Variants in OR7A17 observed in about 807,000 individuals in gnomAD.
The protein encoded by OR7A17 is olfactory receptor family 7 subfamily A member 17.
For synonymous variants in OR7A17, 159 were observed against 142.1 expected (o/e 1.12, Z -0.85); for missense variants, 366 against 365.5 (o/e 1.00, Z -0.01).
intron 1 of OR7A17, among the ~76,000 whole-genome samples, chr19:14,883,354 C>T (rs776340839): frequency 3.3e-5 from 5 of 151,944 alleles, no homozygotes; most frequent in African/African-American, 9.7e-5. Flanking sequence ...GTAGGAGAAT[C>T]GCTTGAACCT....
Position 14,881,127 on chromosome 19 carries a change from T to C in OR7A17, c.229A>G (p.Thr77Ala). 1 of 1,614,080 alleles carries C rather than the reference T, an allele frequency of 6.2e-7. No homozygotes were observed. Among genetic ancestry groups the C allele is most frequent in the East Asian group, 2.2e-5 (1 of 44,868 alleles). Residue 77 changes from threonine (T) to alanine (A), a missense_variant, in exon 3 of 3, where the codon ACA (threonine) becomes GCA (alanine). By Grantham distance (58) the Thr-to-Ala change is moderately conservative. Coordinates refer to ENST00000641113, the MANE Select transcript of OR7A17 (RefSeq NM_030901.2). The part of the protein sequence containing the change: ...SFADICFIST[T>A]IPKMLINIQT... ...ATGTTAATGAGCATCTTTGGGATTG[T>C]AGTGGAGATGAAACAGATGTCTGCA...
chr19:14,885,448 T>C (rs2045131581), intron 1 of OR7A17, among the ~76,000 whole-genome samples: 1 of 152,150 alleles, frequency 6.6e-6, no homozygotes, highest in Admixed American at 6.5e-5. Context: ...ACAAAATCAA[T>C]GTGCAAAAAT....
chr19:14,883,132 C>T (rs1187666034), intron 1 of OR7A17, among the ~76,000 whole-genome samples: 3 of 152,172 alleles, frequency 2.0e-5, no homozygotes, highest in African/African-American at 7.2e-5. Flanking sequence ...ATGCAATGTC[C>T]TTCCTAGACC....
At position 14,882,806 on chromosome 19, in the gene OR7A17, C is replaced by T. The variant is rs112544484; in HGVS notation, c.-294-935G>A. On this transcript the variant is annotated intron_variant, in intron 1 of 2. Coordinates refer to ENST00000641113, the MANE Select transcript of OR7A17 (RefSeq NM_030901.2). ...TGCTTTTATGCTAAAGGTGCGTGCG[C>T]GCACGCACACACACACACATTGCCT... Among the ~76,000 whole-genome samples the T allele has an allele frequency of 4.0e-3, 611 of 152,140 alleles. 5 individuals carry two copies. The highest frequency in any genetic ancestry group is 0.022 in the South Asian group (107 of 4,824).
At chr19:14,882,026 G>T (rs2045115003) in intron 1 of OR7A17, among the ~76,000 whole-genome samples, 155 bp from the exon 2 acceptor site, 1 of 151,802 alleles carries the variant, frequency 6.6e-6, no homozygotes, top group Admixed American at 6.6e-5. Context: ...TGTAAATCTG[G>T]TCCCTGTTAG....
chr19:14,880,521 T>G lies in OR7A17; in HGVS notation c.835A>C (p.Thr279Pro), dbSNP rs1349035940. The G allele has an allele frequency of 3.1e-6, 5 of 1,614,028 alleles. No individual in the cohort carries two copies. The highest frequency in any genetic ancestry group is 4.2e-6 in the Non-Finnish European group (5 of 1,180,016). Residue 279 changes from threonine to proline, a missense_variant, in exon 3 of 3, where the codon ACT (threonine) becomes CCT (proline). By Grantham distance (38) the Thr-to-Pro change is conservative. Transcript: ENST00000641113. ...HTSATASVMY[T>P]VATPMLNPFI... ...GGGTTCAGCATGGGGGTGGCCACAGTGTACATCACTGAGGCTGTTGCACTT... is the reference window on the plus strand; with the variant it reads ...GGGTTCAGCATGGGGGTGGCCACAGGGTACATCACTGAGGCTGTTGCACTT...
At chr19:14,884,194 T>C (rs1050373402) in intron 1 of OR7A17, among the ~76,000 whole-genome samples, 1 of 152,184 alleles carries the variant, frequency 6.6e-6, no homozygotes, top group African/African-American at 2.4e-5. Context: ...ACAAAGTATT[T>C]TAACTAACGC....
chr19:14,882,880 C>T (rs2045119275), intron 1 of OR7A17, among the ~76,000 whole-genome samples: 2 of 152,216 alleles, frequency 1.3e-5, no homozygotes, highest in African/African-American at 4.8e-5. Flanking sequence ...TACTCTTGTG[C>T]TTTTCTCACC....
intron 1 of OR7A17, among the ~76,000 whole-genome samples, chr19:14,884,275 G>A (rs944253511): frequency 1.3e-5 from 2 of 152,084 alleles, no homozygotes; most frequent in South Asian, 2.1e-4. Context: ...GACCAAAAAT[G>A]TTTCCTTAAA....
Position 14,880,861 on chromosome 19 carries a change from C to T in OR7A17, c.495G>A (p.Trp165Ter), listed in dbSNP as rs752583133. ...TTTCCAAGTCTGTGCAGAAGGACAG[C>T]CACAATACCATTAAGCTTTGTGACA... ...NSLSQSLMVL[W>*]LSFCTDLEIP... The change falls in exon 3 of 3, where the codon TGG (tryptophan) becomes TGA (stop). Residue 165 changes from tryptophan (W) to a stop codon, truncating the protein, a stop_gained. Coordinates refer to ENST00000641113, the MANE Select transcript of OR7A17 (RefSeq NM_030901.2). LOFTEE classifies it low-confidence loss of function (END_TRUNC). 1 of 1,614,112 alleles carries T rather than the reference C, an allele frequency of 6.2e-7. No homozygotes were observed. The highest frequency in any genetic ancestry group is 8.5e-7 in the Non-Finnish European group (1 of 1,180,028).
At chr19:14,884,296 A>G (rs1414240254) in intron 1 of OR7A17, among the ~76,000 whole-genome samples, 1 of 152,228 alleles carries the variant, frequency 6.6e-6, no homozygotes, top group African/African-American at 2.4e-5. Flanking sequence ...TATTTCATTA[A>G]CAGTCAATGA....
At chr19:14,882,973 T>C (rs778875899) in intron 1 of OR7A17, among the ~76,000 whole-genome samples, 7 of 152,216 alleles carry the variant, frequency 4.6e-5, no homozygotes, top group African/African-American at 1.7e-4. Context: ...TCAGAAATGG[T>C]CTGATAGCAT....
Position 14,880,279 on chromosome 19 carries a change from T to C in OR7A17, c.*147A>G. ...CTTTATAAAGGAATACATTAAATTC[T>C]ATGTCAGTTGAGATCAAAGAAATTG... On this transcript the variant is annotated 3_prime_UTR_variant, in exon 3 of 3. Coordinates refer to ENST00000641113, the MANE Select transcript of OR7A17 (RefSeq NM_030901.2). 1 of 552,082 alleles carries C rather than the reference T, an allele frequency of 1.8e-6. No individual in the cohort carries two copies. The highest frequency in any genetic ancestry group is 3.1e-6 in the Non-Finnish European group (1 of 326,886). The allele number at this position is 552,082 out of a possible 1,614,324, so 34.2% of individuals were successfully genotyped here. A position where few individuals can be genotyped will look rare whatever the true frequency, so the allele number is the denominator to read the frequency against.
At chr19:14,882,780 C>T (rs530087337) in intron 1 of OR7A17, among the ~76,000 whole-genome samples, 2 of 152,280 alleles carry the variant, frequency 1.3e-5, no homozygotes, top group South Asian at 4.2e-4. Flanking sequence ...TCTCTGCAAC[C>T]TGCTTTTATG....
At position 14,879,980 on chromosome 19, in the gene OR7A17, T is replaced by C. The variant is rs1407851239; in HGVS notation, c.*446A>G. 1 of 152,842 alleles carries C rather than the reference T, an allele frequency of 6.5e-6. No individual in the cohort carries two copies. The highest frequency in any genetic ancestry group is 2.4e-5 in the African/African-American group (1 of 41,392). The allele number at this position is 152,842 out of a possible 1,614,324, so 9.5% of individuals were successfully genotyped here. A position where few individuals can be genotyped will look rare whatever the true frequency, so the allele number is the denominator to read the frequency against. On this transcript the variant is annotated 3_prime_UTR_variant, in exon 3 of 3. Coordinates refer to ENST00000641113, the MANE Select transcript of OR7A17 (RefSeq NM_030901.2). ...ACACTCGTGTGGGGTAAAGTTTACA[T>C]GACCAGGAAGAACACTTAAGGTGGT...
chr19:14,885,322 A>G (rs1469496034), intron 1 of OR7A17, among the ~76,000 whole-genome samples: 1 of 152,222 alleles, frequency 6.6e-6, no homozygotes, highest in Non-Finnish European at 1.5e-5. Flanking sequence ...AAATACAAAG[A>G]GAGGAAGTCA....
Position 14,881,205 on chromosome 19 carries a change from A to T in OR7A17, c.151T>A (p.Ser51Thr). ...GNLLIILATI[S>T]DSHLHTPMYF... Reference sequence around the variant, plus strand: ...ATGGGGGTGTGGAGGTGGGAGTCTGAGATTGTGGCCAGGATGATGAGCAGA... The same window carrying T: ...ATGGGGGTGTGGAGGTGGGAGTCTGTGATTGTGGCCAGGATGATGAGCAGA... The change falls in exon 3 of 3, where the codon TCA becomes ACA. Residue 51 changes from serine to threonine, a missense_variant. By Grantham distance (58) the Ser-to-Thr change is moderately conservative. Transcript: ENST00000641113. The T allele has an allele frequency of 6.2e-7, 1 of 1,613,948 alleles. No individual in the cohort carries two copies. Among genetic ancestry groups the T allele is most frequent in the Non-Finnish European group, 8.5e-7 (1 of 1,179,960 alleles).
Position 14,881,366 on chromosome 19 carries a change from CTATTTATTTATTTATTTATTTATT to C in OR7A17, c.-35_-12del, listed in dbSNP as rs60445901. ...ATTCTCTGGTTCCATCTTTTTTTTT[CTATTTATTTATTTATTTATTTATT>C]TATTTATTTATTTATTAACATAGAC... On this transcript the variant is annotated 5_prime_UTR_variant, in exon 3 of 3. Transcript: ENST00000641113. 51 of 1,018,252 alleles carry C rather than the reference CTATTTATTTATTTATTTATTTATT, an allele frequency of 5.0e-5. 2 individuals are homozygous for C. The African/African-American group carries it at 7.6e-4, about 15-fold the overall frequency. The allele number at this position is 1,018,252 out of a possible 1,614,324, so 63.1% of individuals were successfully genotyped here. A position where few individuals can be genotyped will look rare whatever the true frequency, so the allele number is the denominator to read the frequency against.
Position 14,879,313 on chromosome 19 carries a change from G to A in OR7A17, c.*1113C>T, listed in dbSNP as rs906392836. ...TTTCGCTCTTGTTGCCCAGACTGGA[G>A]GGCAATGCTGTGATCTCGGCTCACT... is the stretch of plus-strand genomic sequence containing the variant. On this transcript the variant is annotated 3_prime_UTR_variant, in exon 3 of 3. Transcript: ENST00000641113. 5 of 151,694 alleles carry A rather than the reference G, an allele frequency of 3.3e-5. No individual in the cohort carries two copies. The highest frequency in any genetic ancestry group is 5.9e-5 in the Non-Finnish European group (4 of 68,054). 9.4% of individuals were successfully genotyped at this position (151,694 alleles called of 1,614,324 possible).
Sources: allele counts gnomAD v4.1 joint callset (sites outside exome capture counted in the v4.1 genomes callset), GRCh38; gene constraint gnomAD v4.1.1; transcripts MANE v1.5; gene names NCBI Gene and HGNC (gene_info 2026-07-23, HGNC 2026-07-21).